TMEM39A: variants seen among roughly 807,000 people sequenced by gnomAD.
TMEM39A encodes suppressor of SQST-1 aggregates in rpl-43 mutants.
In TMEM39A, 19 loss-of-function variants were observed where a neutral mutation model predicts 51.9. That is an observed-to-expected ratio of 0.37 (90% confidence interval 0.26 to 0.54). TMEM39A has a LOEUF of 0.54. Among genes scored for constraint, TMEM39A ranks in the 20% least tolerant of loss-of-function variants. The pLI is 0.88. For synonymous variants in TMEM39A, 197 were observed against 220.2 expected (o/e 0.89, Z 0.93); for missense variants, 433 against 590.5 (o/e 0.73, Z 2.76).
rs2080883270 is a variant in TMEM39A, at chr3:119,430,359, T to C, written c.*1622A>G. The C allele has an allele frequency of 6.6e-6, 1 of 152,102 alleles. No homozygotes were observed. The highest frequency in any genetic ancestry group is 1.5e-5 in the Non-Finnish European group (1 of 67,980). 9.4% of individuals were successfully genotyped at this position (152,102 alleles called of 1,614,324 possible). On this transcript the variant is annotated 3_prime_UTR_variant, in exon 9 of 9. Transcript: ENST00000319172. ...AGTGCTATTCTTACCACTATTTCCT[T>C]GTCCTGATTTCCCTTTGCTACACTT...
At chr3:119,453,635 T>TA (rs1329885320) in intron 3 of TMEM39A, among the ~76,000 whole-genome samples, 2 of 152,278 alleles carry the variant, frequency 1.3e-5, no homozygotes, top group East Asian at 3.9e-4. Flanking sequence ...TAACTGGAGT[T>TA]AGAGTACCTG....
At chr3:119,457,711 G>A (rs2081284096) in intron 3 of TMEM39A, among the ~76,000 whole-genome samples, 1 of 152,164 alleles carries the variant, frequency 6.6e-6, no homozygotes. Flanking sequence ...TAGTAACACT[G>A]ACACCTTATA....
chr3:119,438,490 G>T (rs2081005380), intron 5 of TMEM39A, among the ~76,000 whole-genome samples: 1 of 152,020 alleles, frequency 6.6e-6, no homozygotes, highest in Admixed American at 6.6e-5. Flanking sequence ...TTTGTATCCT[G>T]CTGTTTAAAC....
In TMEM39A at chr3:119,460,932, T is replaced by C. The variant is rs551517539; in HGVS notation, c.113+1030A>G. Among the ~76,000 whole-genome samples the C allele has an allele frequency of 2.0e-3, 303 of 152,330 alleles. 1 individual carries two copies. Among genetic ancestry groups the C allele is most frequent in the African/African-American group, 6.8e-3 (283 of 41,590 alleles). On this transcript the variant is annotated intron_variant, in intron 2 of 8. Coordinates refer to ENST00000319172, the MANE Select transcript of TMEM39A (RefSeq NM_018266.3). Reference sequence around the variant, plus strand: ...ACCTTTCTTCAAAAGCATTTTCGCATATTCTCATTCTTATTTTTAAGTATA... The same window carrying C: ...ACCTTTCTTCAAAAGCATTTTCGCACATTCTCATTCTTATTTTTAAGTATA...
At chr3:119,443,082 A>C (rs1350490695) in intron 5 of TMEM39A, among the ~76,000 whole-genome samples, 1 of 151,602 alleles carries the variant, frequency 6.6e-6, no homozygotes, top group East Asian at 1.9e-4. Context: ...AAAAAAAAAA[A>C]AAAAAGTGAA....
At chr3:119,457,975 T>C in intron 3 of TMEM39A, 43 bp downstream of exon 3, 1 of 1,459,680 alleles carries the variant, frequency 6.9e-7, no homozygotes, top group Non-Finnish European at 9.5e-7. Context: ...GGTAGTTTCT[T>C]GGGTAAGTAA....
intron 8 of TMEM39A, among the ~76,000 whole-genome samples, chr3:119,433,374 T>C (rs75853092): frequency 0.011 from 1,715 of 152,268 alleles, 34 homozygotes; most frequent in African/African-American, 0.039. Flanking sequence ...AAGTCTGATA[T>C]AGGGGCCCTG....
intron 1 of TMEM39A, 92 bp downstream of exon 1, chr3:119,463,244 G>C (rs1384082436): frequency 2.2e-5 from 5 of 226,538 alleles, no homozygotes; most frequent in Admixed American, 5.8e-5. Context: ...GAAGTCGGCA[G>C]AAAGGTAGAC....
chr3:119,447,098 C>G lies in TMEM39A; in HGVS notation c.495G>C (p.Leu165Phe). The change falls in exon 5 of 9, where the codon TTG (leucine) becomes TTC (phenylalanine). Residue 165 changes from leucine (L) to phenylalanine (F), a missense_variant. Transcript: ENST00000319172. ...LISARLVLLTLCGWVLCWTLV... is the reference protein window; with the variant it reads ...LISARLVLLTFCGWVLCWTLV... ...GGGTCCAACAAAGTACCCATCCACA[C>G]AAAGTGAGTAGTACCAAGCGAGCTG... The G allele has an allele frequency of 6.2e-7, 1 of 1,614,126 alleles. No individual in the cohort carries two copies. Among genetic ancestry groups the G allele is most frequent in the South Asian group, 1.1e-5 (1 of 91,082 alleles).
At chr3:119,438,164 TACGTC>T (rs2081000699) in intron 5 of TMEM39A, 61 bp from the exon 6 acceptor site, 1 of 1,303,270 alleles carries the variant, frequency 7.7e-7, no homozygotes, top group Non-Finnish European at 1.1e-6. Flanking sequence ...CCTTATAACT[TACGTC>T]AATATAACTT....
chr3:119,433,983 A>C (rs1467544204), intron 8 of TMEM39A, among the ~76,000 whole-genome samples: 1 of 152,242 alleles, frequency 6.6e-6, no homozygotes, highest in Non-Finnish European at 1.5e-5. Flanking sequence ...AGGGAGAAAG[A>C]GATGCAAGTA....
intron 2 of TMEM39A, 28 bp downstream of exon 2, chr3:119,461,934 A>T (rs1420750362): frequency 1.9e-6 from 3 of 1,559,858 alleles, no homozygotes; most frequent in Non-Finnish European, 2.6e-6. Context: ...GGACATTAAA[A>T]TTATATATAG....
chr3:119,433,076 T>G (rs1161825154), intron 8 of TMEM39A, among the ~76,000 whole-genome samples: 1 of 152,098 alleles, frequency 6.6e-6, no homozygotes, highest in African/African-American at 2.4e-5. Context: ...TAATCCTAAA[T>G]CTAGATGAAG....
chr3:119,438,979 A>G (rs1204795887), intron 5 of TMEM39A, among the ~76,000 whole-genome samples: 1 of 152,204 alleles, frequency 6.6e-6, no homozygotes, highest in Non-Finnish European at 1.5e-5. Flanking sequence ...AACGTAATTA[A>G]TTCACTGCTG....
chr3:119,437,068 GCCA>G, intron 6 of TMEM39A, 90 bp from the exon 7 acceptor site: 1 of 1,216,746 alleles, frequency 8.2e-7, no homozygotes, highest in South Asian at 1.5e-5. Flanking sequence ...GCAGACAAAT[GCCA>G]CACTGAGTCA....
rs747041529 is a variant in TMEM39A at position 119,462,067 on chromosome 3, C to G, written c.8G>C (p.Gly3Ala). 1 of 1,613,996 alleles carries G rather than the reference C, an allele frequency of 6.2e-7. No homozygotes were observed. The highest frequency in any genetic ancestry group is 8.5e-7 in the Non-Finnish European group (1 of 1,179,962). MP[G>A]GRRGPSRQQL... ...TTGCCGACTAGGGCCCCTCCTTCCA[C>G]CGGGCATGTCCAGGAACCAGTCTGC... The change falls in exon 2 of 9, where the codon GGT (glycine) becomes GCT (alanine). Residue 3 changes from glycine to alanine, a missense_variant. This residue lies in a region of TMEM39A where 170 missense variants were observed against 239.8 expected (regional missense o/e 0.71). Coordinates refer to ENST00000319172, the MANE Select transcript of TMEM39A (RefSeq NM_018266.3).
rs1245252064 is a variant in TMEM39A at position 119,430,837 on chromosome 3, G to A, written c.*1144C>T. 1.3e-5 allele frequency: 2 copies of A among 152,048 alleles called. No homozygotes were observed. Among genetic ancestry groups the A allele is most frequent in the East Asian group, 3.8e-4 (2 of 5,196 alleles). The allele number at this position is 152,048 out of a possible 1,614,324, so 9.4% of individuals were successfully genotyped here. A position where few individuals can be genotyped will look rare whatever the true frequency, so the allele number is the denominator to read the frequency against. Reference sequence around the variant, plus strand: ...TTTGTTTCACCAAAAGCTTCACAGTGTAACAAACCAAACTCAGCACAGAAA... The same window carrying A: ...TTTGTTTCACCAAAAGCTTCACAGTATAACAAACCAAACTCAGCACAGAAA... On this transcript the variant is annotated 3_prime_UTR_variant, in exon 9 of 9. Coordinates refer to ENST00000319172, the MANE Select transcript of TMEM39A (RefSeq NM_018266.3).
chr3:119,461,992 C>T lies in TMEM39A; in HGVS notation c.83G>A (p.Gly28Asp). The T allele has an allele frequency of 6.2e-7, 1 of 1,614,100 alleles. No homozygotes were observed. Among genetic ancestry groups the T allele is most frequent in the Non-Finnish European group, 8.5e-7 (1 of 1,179,976 alleles). Residue 28 changes from glycine (G) to aspartate (D), a missense_variant, in exon 2 of 9, where the codon GGC becomes GAC. This residue lies in a region of TMEM39A where 170 missense variants were observed against 239.8 expected (regional missense o/e 0.71). Transcript: ENST00000319172. ...TCTCAAGCCTGTTCCATTGCCACAGCCTCCACCAACCAAAGTCTGCAAAGA... is the reference window on the plus strand; with the variant it reads ...TCTCAAGCCTGTTCCATTGCCACAGTCTCCACCAACCAAAGTCTGCAAAGA... ...LPSLQTLVGGGCGNGTGLRNR... is the reference protein window; with the variant it reads ...LPSLQTLVGGDCGNGTGLRNR...
chr3:119,462,955 A>T (rs2081359709), intron 1 of TMEM39A, among the ~76,000 whole-genome samples: 2 of 151,834 alleles, frequency 1.3e-5, no homozygotes, highest in Non-Finnish European at 2.9e-5. Context: ...GTCAACATGG[A>T]TACCAATGTT....
Sources: allele counts gnomAD v4.1 joint callset (sites outside exome capture counted in the v4.1 genomes callset), GRCh38; gene constraint gnomAD v4.1.1; regional missense constraint gnomAD v4.1.1; transcripts MANE v1.5; gene names NCBI Gene and HGNC (gene_info 2026-07-23, HGNC 2026-07-21).